The following ZNF18 variants were observed in gnomAD, a reference collection of about 807,000 sequenced individuals.
The protein encoded by ZNF18 is heart development-specific gene 1 protein.
Under a neutral mutation model 58.1 loss-of-function variants are expected in ZNF18, and 42 were observed. The observed-to-expected ratio is 0.72, with a 90% CI of 0.56 to 0.93. The LOEUF is 0.93. Among genes scored for constraint, ZNF18 ranks in the 40% least tolerant of loss-of-function variants. ZNF18 has a pLI of 0.00. For synonymous variants in ZNF18, 231 were observed against 239.8 expected (o/e 0.96, Z 0.34); for missense variants, 540 against 644.2 (o/e 0.84, Z 1.75).
chr17:12,016,450 C>T, the ZNF18 span, among the ~76,000 whole-genome samples: 9 of 152,298 alleles, frequency 5.9e-5, no homozygotes, highest in East Asian at 1.5e-3. Context: ...CTGCCTCAGC[C>T]TCCTGAGTCG....
intron 1 of ZNF18, among the ~76,000 whole-genome samples, chr17:11,993,825 CAAAAAAAAAA>C (rs386385680): frequency 2.8e-5 from 2 of 71,244 alleles, no homozygotes; most frequent in South Asian, 7.4e-4. Context: ...CTCCGTCTCA[CAAAAAAAAAA>C]AAAAAAAAAA....
At chr17:11,993,662 A>G (rs972435708) in intron 1 of ZNF18, 2 of 151,898 alleles carry the variant, frequency 1.3e-5, no homozygotes, top group African/African-American at 4.8e-5. Flanking sequence ...CTACTAAAAA[A>G]AAATACAAAA....
At chr17:11,981,246 A>C (rs1407318557) in intron 6 of ZNF18, among the ~76,000 whole-genome samples, 1 of 151,344 alleles carries the variant, frequency 6.6e-6, no homozygotes, top group Non-Finnish European at 1.5e-5. Flanking sequence ...TCTCTCCTCC[A>C]AGTGTTCCCT....
upstream of ZNF18, among the ~76,000 whole-genome samples, chr17:11,999,485 G>T (rs183006919): frequency 4.9e-4 from 74 of 152,266 alleles, no homozygotes; most frequent in Non-Finnish European, 8.1e-4. Flanking sequence ...CACTTATTTC[G>T]AAACAGGCTG....
intron 3 of ZNF18, 111 bp from the exon 4 acceptor site, chr17:11,990,661 A>G (rs1383121372): frequency 2.5e-6 from 2 of 809,008 alleles, no homozygotes; most frequent in Non-Finnish European, 4.0e-6. Context: ...CAATACCTGT[A>G]CTGCCATCTA....
chr17:12,015,982 G>T, the ZNF18 span, among the ~76,000 whole-genome samples: 28 of 152,094 alleles, frequency 1.8e-4, no homozygotes, highest in Non-Finnish European at 1.3e-4. Context: ...GTAGAGACAG[G>T]GTTTCGCCAT....
chr17:11,981,762 A>G (rs1020076788), intron 6 of ZNF18, among the ~76,000 whole-genome samples: 2 of 151,962 alleles, frequency 1.3e-5, no homozygotes, highest in African/African-American at 2.4e-5. Context: ...TATGAACCCA[A>G]AACTCGTCTT....
intron 6 of ZNF18, among the ~76,000 whole-genome samples, chr17:11,981,864 T>C (rs761700809): frequency 6.6e-6 from 1 of 152,142 alleles, no homozygotes; most frequent in Non-Finnish European, 1.5e-5. Flanking sequence ...CTATAAGTTC[T>C]ATGGACTAAA....
chr17:11,992,495 G>A lies in ZNF18; in HGVS notation c.335C>T (p.Ala112Val), dbSNP rs368958103. The change falls in exon 2 of 7, where the codon GCA becomes GTA. Residue 112 changes from alanine to valine, a missense_variant. Transcript: ENST00000580306. Reference protein sequence around the residue: ...RKQCPGSGEEAVTLVESLKGD... With the variant: ...RKQCPGSGEEVVTLVESLKGD... The stretch of plus-strand genomic sequence containing the variant: ...CTTCAAGCTTTCCACAAGGGTCACT[G>A]CCTCTTCTCCACTTCCTGGACACTG... The A allele has an allele frequency of 1.7e-5, 28 of 1,614,054 alleles. No individual in the cohort carries two copies. The highest frequency in any genetic ancestry group is 2.3e-5 in the Non-Finnish European group (27 of 1,180,038).
At chr17:12,019,866 A>C in the ZNF18 span, among the ~76,000 whole-genome samples, 1 of 152,208 alleles carries the variant, frequency 6.6e-6, no homozygotes, top group African/African-American at 2.4e-5. Flanking sequence ...TCCATGGCTT[A>C]GATTCTTTGG....
At chr17:12,010,103 A>G in the ZNF18 span, among the ~76,000 whole-genome samples, 1 of 152,174 alleles carries the variant, frequency 6.6e-6, no homozygotes, top group Admixed American at 6.6e-5. Flanking sequence ...TGGAGAGGAC[A>G]GTTTCACAAG....
the ZNF18 span, among the ~76,000 whole-genome samples, chr17:12,012,448 G>A: frequency 2.2e-3 from 331 of 152,256 alleles, 2 homozygotes; most frequent in African/African-American, 7.4e-3. Context: ...TTTTGCAAAC[G>A]TGAGAATATC....
At chr17:12,005,617 T>A in the ZNF18 span, among the ~76,000 whole-genome samples, 1 of 152,168 alleles carries the variant, frequency 6.6e-6, no homozygotes, top group Non-Finnish European at 1.5e-5. Flanking sequence ...ACAACCATTA[T>A]AACTAAGTGT....
rs1967099694 is a variant in ZNF18 at position 11,978,059 on chromosome 17, T to C, written c.1548A>G (p.Gly516=). Residue 516 remains glycine (G), a synonymous_variant, in exon 7 of 7, where the codon GGA becomes GGG. Transcript: ENST00000580306. ...AGTGCGAACATTTATAAGGTTTCTCTCCAGTGTGAACCCTCTGATGTCTAT... is the reference window on the plus strand; with the variant it reads ...AGTGCGAACATTTATAAGGTTTCTCCCCAGTGTGAACCCTCTGATGTCTAT... ...NFNRHQRVHT[G]EKPYKCSHCG... The C allele has an allele frequency of 1.2e-6, 2 of 1,613,982 alleles. No homozygotes were observed. Among genetic ancestry groups the C allele is most frequent in the Admixed American group, 3.3e-5 (2 of 59,982 alleles).
the ZNF18 span, among the ~76,000 whole-genome samples, chr17:12,005,587 G>T: frequency 6.6e-6 from 1 of 152,050 alleles, no homozygotes; most frequent in East Asian, 1.9e-4. Context: ...GGTTTGGGGA[G>T]GTTTCTTTTT....
the ZNF18 span, chr17:12,010,954 A>G: frequency 1.4e-6 from 1 of 696,218 alleles, no homozygotes; most frequent in East Asian, 2.6e-5. Flanking sequence ...CAATACACAC[A>G]TTAATTCTCT....
At chr17:11,985,031 G>A (rs1967645111) in intron 4 of ZNF18, among the ~76,000 whole-genome samples, 1 of 152,112 alleles carries the variant, frequency 6.6e-6, no homozygotes, top group African/African-American at 2.4e-5. Context: ...AACAAAGATT[G>A]GTATATTCAG....
the ZNF18 span, chr17:12,020,905 A>AGCGGCG: frequency 1.7e-6 from 2 of 1,170,752 alleles, no homozygotes; most frequent in East Asian, 3.7e-5. Context: ...TCCGAGCCCG[A>AGCGGCG]GCGGCGGCGG....
chr17:12,020,888 T>C, the ZNF18 span: 1 of 857,314 alleles, frequency 1.2e-6, no homozygotes, highest in Non-Finnish European at 1.4e-6. Flanking sequence ...CTCCCAACAA[T>C]GGCGGCTCCG....
Sources: gnomAD v4.1 joint callset for allele counts (sites outside exome capture counted in the v4.1 genomes callset) on GRCh38, gnomAD v4.1.1 for gene constraint, MANE v1.5 for transcripts, NCBI Gene and HGNC (gene_info 2026-07-23, HGNC 2026-07-21) for gene names.